The following FAM117A variants were observed in gnomAD, a reference collection of about 807,000 sequenced individuals.
FAM117A encodes the protein protein FAM117A.
In FAM117A, 21 loss-of-function variants were observed where a neutral mutation model predicts 44.1. The ratio of observed to expected loss-of-function variants is 0.48; its 90% CI spans 0.34 to 0.69. FAM117A has a LOEUF of 0.69. Ranked by LOEUF, FAM117A falls within the 30% of genes least tolerant of loss-of-function variation. The pLI, the probability that FAM117A is intolerant of heterozygous loss-of-function variation, is 0.01. For missense variants in FAM117A, 498 were observed against 589.9 expected, an observed-to-expected ratio of 0.84 and a Z score of 1.61; for synonymous variants, 220 against 238.3, an observed-to-expected ratio of 0.92 and a Z score of 0.71.
chr17:49,746,205 G>A (rs2073653862), intron 1 of FAM117A, among the ~76,000 whole-genome samples: 1 of 152,148 alleles, frequency 6.6e-6, no homozygotes, highest in African/African-American at 2.4e-5. Context: ...TAAGACCATT[G>A]TGGCAAAAGT....
At position 49,710,618 on chromosome 17, in the gene FAM117A, C is replaced by T. The variant is rs1208984809; in HGVS notation, c.*637G>A. 1 of 152,744 alleles carries T rather than the reference C, an allele frequency of 6.5e-6. No individual in the cohort carries two copies. The highest frequency in any genetic ancestry group is 2.4e-5 in the African/African-American group (1 of 41,452). The allele number at this position is 152,744 out of a possible 1,614,324, so 9.5% of individuals were successfully genotyped here. ...TTTGCCACCTGGAGGAATGCCAGCT[C>T]TCCTCCCCACTACCCACCTGGGGCT... On this transcript the variant is annotated 3_prime_UTR_variant, in exon 8 of 8. Coordinates refer to ENST00000240364, the MANE Select transcript of FAM117A (RefSeq NM_030802.4).
chr17:49,768,401 C>T (rs2073751418), upstream of FAM117A, among the ~76,000 whole-genome samples: 1 of 152,186 alleles, frequency 6.6e-6, no homozygotes, highest in Admixed American at 6.5e-5. Flanking sequence ...CACCCAGTAG[C>T]AATTATTCAG....
upstream of FAM117A, among the ~76,000 whole-genome samples, chr17:49,768,009 G>A (rs942709278): frequency 6.6e-6 from 1 of 152,026 alleles, no homozygotes; most frequent in Non-Finnish European, 1.5e-5. Flanking sequence ...AACAGCAAAT[G>A]CTGTTGACTG....
intron 1 of FAM117A, among the ~76,000 whole-genome samples, chr17:49,757,162 GA>G (rs1401169599): frequency 6.6e-6 from 1 of 151,790 alleles, no homozygotes; most frequent in African/African-American, 2.4e-5. Context: ...TGTGTAGGCA[GA>G]GCTGAGCTAA....
intron 1 of FAM117A, among the ~76,000 whole-genome samples, chr17:49,762,655 GAGAC>G (rs1412550061): frequency 6.6e-6 from 1 of 152,198 alleles, no homozygotes; most frequent in Non-Finnish European, 1.5e-5. Context: ...AGAAGCTCAA[GAGAC>G]TCTGGTTTAG....
chr17:49,720,409 T>G lies in FAM117A; in HGVS notation c.490A>C (p.Arg164=). 1 of 1,613,646 alleles carries G rather than the reference T, an allele frequency of 6.2e-7. No individual in the cohort carries two copies. Among genetic ancestry groups the G allele is most frequent in the South Asian group, 1.1e-5 (1 of 91,084 alleles). Residue 164 remains arginine, a synonymous_variant, in exon 4 of 8, where the codon AGG becomes CGG. Transcript: ENST00000240364. The part of the protein sequence containing the change: ...EISKLKQQLQ[R]TKLSRSGKEK... ...TTCCCACTGCGGCTCAGCTTCGTCC[T>G]CTGCAGTTGTTGCTTCAACTTGGAA...
intron 1 of FAM117A, among the ~76,000 whole-genome samples, chr17:49,784,392 A>C (rs535773547): frequency 1.3e-5 from 2 of 152,164 alleles, no homozygotes; most frequent in East Asian, 3.9e-4. Context: ...AGCTGCCAGA[A>C]AGAGATTGCT....
At chr17:49,716,464 A>T in intron 6 of FAM117A, 149 bp from the exon 7 acceptor site, 1 of 605,486 alleles carries the variant, frequency 1.7e-6, no homozygotes, top group South Asian at 2.8e-5. Flanking sequence ...ATTATACTCT[A>T]CCTTAAAAAC....
chr17:49,732,998 TAATGGAC>T, intron 1 of FAM117A: 2 of 387,000 alleles, frequency 5.2e-6, no homozygotes, highest in South Asian at 3.3e-5. Context: ...TTCCTGCTCC[TAATGGAC>T]TATGAACCGT....
At chr17:49,788,599 C>T (rs1383583665), upstream of FAM117A, 7 of 455,514 alleles carry the variant, frequency 1.5e-5, no homozygotes, top group Non-Finnish European at 2.7e-5. Context: ...AACTTCCCAG[C>T]ACCCTCTCTG....
chr17:49,734,823 TC>T (rs1291403575), intron 1 of FAM117A, among the ~76,000 whole-genome samples: 1 of 152,024 alleles, frequency 6.6e-6, no homozygotes, highest in Non-Finnish European at 1.5e-5. Flanking sequence ...ATGCAGCACA[TC>T]CATACTGTGG....
chr17:49,727,736 A>C (rs1038140303), intron 2 of FAM117A, among the ~76,000 whole-genome samples: 3 of 152,226 alleles, frequency 2.0e-5, no homozygotes, highest in African/African-American at 7.2e-5. Context: ...GGAATCTCTC[A>C]GCCTCCAGCC....
chr17:49,775,286 C>A (rs1461453214), intron 1 of FAM117A, among the ~76,000 whole-genome samples: 4 of 152,218 alleles, frequency 2.6e-5, no homozygotes, highest in Non-Finnish European at 5.9e-5. Flanking sequence ...CTGCGCCCGG[C>A]ACTGTAAATC....
At chr17:49,762,396 C>T (rs1056251819) in intron 1 of FAM117A, among the ~76,000 whole-genome samples, 4 of 152,286 alleles carry the variant, frequency 2.6e-5, no homozygotes, top group Non-Finnish European at 4.4e-5. Context: ...TCTACACCAC[C>T]GGATTCTAAA....
intron 2 of FAM117A, among the ~76,000 whole-genome samples, chr17:49,730,822 T>C (rs2073581515): frequency 1.3e-5 from 2 of 152,152 alleles, no homozygotes; most frequent in South Asian, 4.1e-4. Context: ...CCTTTCACAG[T>C]CTATTTGTAG....
At chr17:49,772,227 G>A (rs1430230505) in intron 1 of FAM117A, among the ~76,000 whole-genome samples, 1 of 151,616 alleles carries the variant, frequency 6.6e-6, no homozygotes. Flanking sequence ...AGGAGATCAA[G>A]GCTGCAGCAA....
chr17:49,727,198 G>A (rs2073563825), intron 2 of FAM117A, among the ~76,000 whole-genome samples: 1 of 151,964 alleles, frequency 6.6e-6, no homozygotes, highest in South Asian at 2.1e-4. Context: ...TTGAGGTCAG[G>A]AGTTCAAGAC....
At chr17:49,733,591 T>C (rs1181440661) in intron 1 of FAM117A, among the ~76,000 whole-genome samples, 1 of 151,978 alleles carries the variant, frequency 6.6e-6, no homozygotes, top group Non-Finnish European at 1.5e-5. Flanking sequence ...GAGAATTGGT[T>C]GAACCTGGGA....
chr17:49,764,504 G>C (rs1209982396), upstream of FAM117A, among the ~76,000 whole-genome samples: 1 of 152,158 alleles, frequency 6.6e-6, no homozygotes, highest in African/African-American at 2.4e-5. Flanking sequence ...CGCGGCGCTG[G>C]GTGTAGGTTG....
Sources: gnomAD v4.1 joint callset for allele counts (sites outside exome capture counted in the v4.1 genomes callset) on GRCh38, gnomAD v4.1.1 for gene constraint, MANE v1.5 for transcripts, NCBI Gene and HGNC (gene_info 2026-07-23, HGNC 2026-07-21) for gene names.